The following SLC8A1 variants were observed in gnomAD, a reference collection of about 807,000 sequenced individuals.
The protein encoded by SLC8A1 is sodium/calcium exchanger 1.
SLC8A1 carries 18 observed loss-of-function variants against 68.3 expected under a neutral mutation model. The ratio of observed to expected loss-of-function variants is 0.26; its 90% CI spans 0.18 to 0.39. SLC8A1 has a LOEUF of 0.39. SLC8A1 is among the 10% of genes least tolerant of loss of function. The probability of loss-of-function intolerance (pLI) is 1.00; values close to 1 mark genes in which losing one functional copy is unlikely to be tolerated. For missense variants in SLC8A1, 985 were observed against 1,156.7 expected (o/e 0.85, Z 2.15); for synonymous variants, 475 against 415.5 (o/e 1.14, Z -1.74).
intron 1 of SLC8A1, among the ~76,000 whole-genome samples, chr2:40,463,555 T>C (rs1703466426): frequency 6.6e-6 from 1 of 152,116 alleles, no homozygotes; most frequent in Non-Finnish European, 1.5e-5. Flanking sequence ...TCTAACTTAA[T>C]TATTAAGGGG....
At chr2:40,129,086 A>G (rs1265942597) in intron 7 of SLC8A1, among the ~76,000 whole-genome samples, 1 of 152,232 alleles carries the variant, frequency 6.6e-6, no homozygotes. Context: ...CAGTGAATTT[A>G]CTAAAAATCA....
At chr2:40,161,024 C>T (rs575436143) in intron 5 of SLC8A1, among the ~76,000 whole-genome samples, 160 bp from the exon 9 acceptor site, 68 of 152,294 alleles carry the variant, frequency 4.5e-4, no homozygotes, top group African/African-American at 1.6e-3. Context: ...ATTATGCAAA[C>T]AAGCATGGTC....
At chr2:40,164,736 G>T in intron 5 of SLC8A1, 118 bp downstream of exon 8, 1 of 1,356,166 alleles carries the variant, frequency 7.4e-7, no homozygotes, top group South Asian at 1.4e-5. Flanking sequence ...TCACAAGCCA[G>T]TTCCTGAAAT....
At chr2:40,248,071 C>T (rs893684350) in intron 2 of SLC8A1, among the ~76,000 whole-genome samples, 1 of 152,064 alleles carries the variant, frequency 6.6e-6, no homozygotes, top group Non-Finnish European at 1.5e-5. Context: ...CTCTATTACA[C>T]CAAAAATTGT....
intron 2 of SLC8A1, among the ~76,000 whole-genome samples, chr2:40,369,802 C>A (rs1677446085): frequency 6.6e-6 from 1 of 151,984 alleles, no homozygotes; most frequent in Non-Finnish European, 1.5e-5. Flanking sequence ...TTGGGCCTGA[C>A]AGCCAATTCT....
At chr2:40,464,971 CT>C (rs1217443608) in intron 1 of SLC8A1, among the ~76,000 whole-genome samples, 3 of 152,238 alleles carry the variant, frequency 2.0e-5, no homozygotes, top group African/African-American at 7.2e-5. Context: ...GTGTTCTCTC[CT>C]TACTCCTCTC....
intron 2 of SLC8A1, among the ~76,000 whole-genome samples, chr2:40,239,653 C>A (rs914717589): frequency 6.6e-6 from 1 of 152,106 alleles, no homozygotes; most frequent in Non-Finnish European, 1.5e-5. Context: ...CTACTCCAGC[C>A]TGGGCAACAG....
intron 2 of SLC8A1, among the ~76,000 whole-genome samples, chr2:40,344,072 G>T (rs549886257): frequency 6.6e-6 from 1 of 152,290 alleles, no homozygotes; most frequent in East Asian, 1.9e-4. Context: ...CAGATGACAG[G>T]AGAGATGGTC....
chr2:40,117,824 T>G (rs1319990641), intron 7 of SLC8A1, among the ~76,000 whole-genome samples: 1 of 152,134 alleles, frequency 6.6e-6, no homozygotes, highest in Non-Finnish European at 1.5e-5. Context: ...CTCCGTAAAC[T>G]TCCAGTGGGG....
chr2:40,407,263 A>G (rs1690664590), intron 2 of SLC8A1, among the ~76,000 whole-genome samples: 1 of 152,096 alleles, frequency 6.6e-6, no homozygotes, highest in South Asian at 2.1e-4. Context: ...ACAGGGTTTC[A>G]CCATGTTGGC....
chr2:40,219,794 G>T (rs2058044567), intron 2 of SLC8A1, among the ~76,000 whole-genome samples: 1 of 124,766 alleles, frequency 8.0e-6, no homozygotes, highest in Non-Finnish European at 1.8e-5. Flanking sequence ...CCTAGTTGAT[G>T]AGAGAGATGT....
exon 8 of SLC8A1, chr2:40,100,370 GT>G (rs2033822962): frequency 6.6e-6 from 1 of 152,036 alleles, no homozygotes; most frequent in South Asian, 2.1e-4. Context: ...AAGAGTTTCT[GT>G]TAAAAAAAGA....
chr2:40,125,172 T>TA (rs1343351230), intron 7 of SLC8A1, among the ~76,000 whole-genome samples: 2 of 152,218 alleles, frequency 1.3e-5, no homozygotes, highest in Non-Finnish European at 2.9e-5. Context: ...AATTTCAGCT[T>TA]TTTCCTGGTC....
intron 2 of SLC8A1, among the ~76,000 whole-genome samples, chr2:40,317,853 A>C (rs370918951): frequency 2.0e-5 from 3 of 152,126 alleles, no homozygotes; most frequent in East Asian, 3.9e-4. Context: ...TTTTATTTTC[A>C]TCATACTGAA....
chr2:40,246,385 G>A (rs553221355), intron 2 of SLC8A1, among the ~76,000 whole-genome samples: 1 of 152,284 alleles, frequency 6.6e-6, no homozygotes, highest in South Asian at 2.1e-4. Flanking sequence ...GTCAAATAGG[G>A]CAACTAAATT....
In SLC8A1 at chr2:40,398,464, A is replaced by G. The variant is rs1316650373; in HGVS notation, c.1808+30009T>C. Among the ~76,000 whole-genome samples the G allele has an allele frequency of 6.6e-5, 10 of 152,360 alleles. No individual in the cohort carries two copies. In the East Asian group the frequency reaches 1.7e-3, roughly 26 times the overall value. On this transcript the variant is annotated intron_variant, in intron 2 of 7. Coordinates refer to ENST00000406785, the Ensembl canonical transcript of SLC8A1. ...ACTTAAAGAATTACAATAGCAATAC[A>G]ATTTCATTATAAAAAGCAGAATATG...
intron 1 of SLC8A1, among the ~76,000 whole-genome samples, chr2:40,491,046 C>A (rs975532090): frequency 3.9e-5 from 6 of 152,234 alleles, no homozygotes; most frequent in African/African-American, 1.4e-4. Flanking sequence ...GTCTCTCTCT[C>A]TATAAAAAGG....
At chr2:40,404,704 G>A (rs562480375) in intron 2 of SLC8A1, among the ~76,000 whole-genome samples, 15 of 151,994 alleles carry the variant, frequency 9.9e-5, no homozygotes, top group Non-Finnish European at 2.2e-4. Flanking sequence ...AGAGCATTTC[G>A]GCAGTTTCAA....
At chr2:40,496,773 A>T (rs916964666) in intron 1 of SLC8A1, among the ~76,000 whole-genome samples, 1 of 151,982 alleles carries the variant, frequency 6.6e-6, no homozygotes, top group Non-Finnish European at 1.5e-5. Flanking sequence ...ATGTTAAAAA[A>T]TCTGTTTAGA....
Sources: allele counts gnomAD v4.1 joint callset (sites outside exome capture counted in the v4.1 genomes callset), GRCh38; gene constraint gnomAD v4.1.1; transcripts MANE v1.5; gene names NCBI Gene and HGNC (gene_info 2026-07-23, HGNC 2026-07-21).